The following RYR3 variants were observed in gnomAD, a reference collection of about 807,000 sequenced individuals.
RYR3 encodes the protein ryanodine receptor 3.
In RYR3, 207 loss-of-function variants were observed where a neutral mutation model predicts 584.3. That is an observed-to-expected ratio of 0.35 (90% CI 0.32 to 0.40). RYR3 has a LOEUF of 0.40. RYR3 is among the 10% of genes least tolerant of loss of function. The pLI, the probability that RYR3 is intolerant of heterozygous loss-of-function variation, is 1.00. For missense variants in RYR3, 5,616 were observed against 6,089.2 expected (o/e 0.92, Z 2.59); for synonymous variants, 2,416 against 2,248.5 (o/e 1.07, Z -2.11).
intron 82 of RYR3, 146 bp from the exon 83 acceptor site, chr15:33,826,106 T>A: frequency 1.3e-6 from 1 of 757,356 alleles, no homozygotes. Flanking sequence ...CTTGCTCTGT[T>A]TCAGTAAAAT....
At chr15:33,720,090 T>C (rs1454582500) in intron 43 of RYR3, among the ~76,000 whole-genome samples, 1 of 152,274 alleles carries the variant, frequency 6.6e-6, no homozygotes, top group Non-Finnish European at 1.5e-5. Flanking sequence ...GAATGGAAGC[T>C]GATTAGCTGT....
At chr15:33,798,491 C>G (rs2075748927) in intron 67 of RYR3, among the ~76,000 whole-genome samples, 1 of 152,166 alleles carries the variant, frequency 6.6e-6, no homozygotes. Context: ...ATTTTCATTC[C>G]AGACAGGAAG....
chr15:33,617,821 A>G (rs1455913325), intron 19 of RYR3, among the ~76,000 whole-genome samples: 1 of 150,466 alleles, frequency 6.6e-6, no homozygotes, highest in Non-Finnish European at 1.5e-5. Context: ...ACCCACAGTG[A>G]AGTCAAAGTT....
chr15:33,335,119 G>A (rs1312581151), intron 1 of RYR3, among the ~76,000 whole-genome samples: 1 of 152,164 alleles, frequency 6.6e-6, no homozygotes, highest in African/African-American at 2.4e-5. Context: ...AGACAGTGTG[G>A]CAATTCCTTA....
chr15:33,469,103 T>C (rs1221625170), intron 1 of RYR3, among the ~76,000 whole-genome samples: 1 of 152,182 alleles, frequency 6.6e-6, no homozygotes, highest in African/African-American at 2.4e-5. Flanking sequence ...TAAGTAACAC[T>C]GCAAAAAGTA....
intron 67 of RYR3, 117 bp downstream of exon 67, chr15:33,788,575 G>C (rs926014966): frequency 6.0e-5 from 69 of 1,154,288 alleles, no homozygotes; most frequent in Non-Finnish European, 8.2e-5. Flanking sequence ...GGCGATAGCC[G>C]CCCCCACCAT....
chr15:33,480,623 T>A (rs568830189), intron 2 of RYR3, among the ~76,000 whole-genome samples: 2 of 152,350 alleles, frequency 1.3e-5, no homozygotes, highest in East Asian at 3.9e-4. Context: ...AAAGTGTTAG[T>A]GAGTGGATGT....
chr15:33,864,134 C>A lies in RYR3; in HGVS notation c.14466-4C>A, dbSNP rs753389947. On this transcript the variant is annotated splice_region_variant and splice_polypyrimidine_tract_variant and intron_variant, in intron 102 of 103. Transcript: ENST00000634891. ...TATCTAATACTATCTTTTCCTCGTT[C>A]CAGGTTCTTTCTGATGTATTTGATT... 46 of 1,609,146 alleles carry A rather than the reference C, an allele frequency of 2.9e-5. No homozygotes were observed. Among genetic ancestry groups the A allele is most frequent in the Non-Finnish European group, 1.9e-5 (22 of 1,176,706 alleles).
chr15:33,732,032 G>A (rs952179317), intron 48 of RYR3, among the ~76,000 whole-genome samples: 1 of 152,162 alleles, frequency 6.6e-6, no homozygotes. Flanking sequence ...AAGCAGATGT[G>A]TCTGTCCTCT....
chr15:33,432,937 A>G (rs1422377933), intron 1 of RYR3, among the ~76,000 whole-genome samples: 1 of 152,122 alleles, frequency 6.6e-6, no homozygotes, highest in Non-Finnish European at 1.5e-5. Context: ...GCCTAAATTA[A>G]TCTAGCCTTA....
Position 33,453,240 on chromosome 15 carries a change from A to G in RYR3, c.52-20179A>G, listed in dbSNP as rs535214676. On this transcript the variant is annotated intron_variant, in intron 1 of 103. Transcript: ENST00000634891. ...TGCTATATTAAAGTAAGATTTGTAGAAAAAAAATAAACCTTAATTACTATT... is the reference window on the plus strand; with the variant it reads ...TGCTATATTAAAGTAAGATTTGTAGGAAAAAAATAAACCTTAATTACTATT... 5.3e-5 allele frequency among the ~76,000 whole-genome samples: 8 copies of G among 151,912 alleles called. No homozygotes were observed. In the South Asian group the frequency reaches 1.3e-3, roughly 24 times the overall value.
chr15:33,358,009 G>A (rs1046936790), intron 1 of RYR3, among the ~76,000 whole-genome samples: 3 of 152,220 alleles, frequency 2.0e-5, no homozygotes, highest in African/African-American at 4.8e-5. Context: ...GCATACATCA[G>A]TGCCTTTTAC....
intron 16 of RYR3, among the ~76,000 whole-genome samples, chr15:33,588,151 T>C (rs950596532): frequency 2.0e-5 from 3 of 152,218 alleles, no homozygotes; most frequent in Non-Finnish European, 1.5e-5. Flanking sequence ...GTGTATCTTA[T>C]TCAGTTCTCA....
intron 4 of RYR3, 41 bp downstream of exon 4, chr15:33,530,707 G>A: frequency 2.7e-6 from 4 of 1,466,248 alleles, no homozygotes; most frequent in Non-Finnish European, 3.8e-6. Context: ...TCAAGGAGAA[G>A]GAAAAACTGA....
chr15:33,676,461 A>T (rs879428891), intron 38 of RYR3, among the ~76,000 whole-genome samples: 12 of 152,244 alleles, frequency 7.9e-5, no homozygotes, highest in Non-Finnish European at 1.2e-4. Context: ...TTGAGGTGTC[A>T]GACATGTTAG....
rs796878162 is a variant in RYR3 at position 33,763,892 on chromosome 15, C to CAAAAAA, written c.8706-4747_8706-4742dup. Among the ~76,000 whole-genome samples the CAAAAAA allele has an allele frequency of 2.8e-4, 13 of 45,858 alleles. 1 individual carries two copies. The highest frequency in any genetic ancestry group is 4.5e-4 in the African/African-American group (5 of 11,098). 30.1% of individuals were successfully genotyped at this position (45,858 alleles called of 152,430 possible). A position where few individuals can be genotyped will look rare whatever the true frequency, so the allele number is the denominator to read the frequency against. ...TGAGTGACAGAGCGAGACTTCATCT[C>CAAAAAA]AAAAAAAAAAAAAAAAAAAAAAAAT... On this transcript the variant is annotated intron_variant, in intron 60 of 103. Transcript: ENST00000634891.
chr15:33,860,809 A>T, intron 101 of RYR3, 150 bp downstream of exon 101: 1 of 709,644 alleles, frequency 1.4e-6, no homozygotes, highest in Non-Finnish European at 2.4e-6. Context: ...GCACCCTGCC[A>T]TACCCCTGCC....
At chr15:33,674,912 GAAAA>G (rs10580400) in intron 38 of RYR3, among the ~76,000 whole-genome samples, 69 of 137,358 alleles carry the variant, frequency 5.0e-4, no homozygotes, top group East Asian at 1.1e-3. Flanking sequence ...GGTCAGAATG[GAAAA>G]AAAAAAAAAA....
chr15:33,753,090 A>C (rs149331422), intron 57 of RYR3, among the ~76,000 whole-genome samples: 1 of 152,126 alleles, frequency 6.6e-6, no homozygotes, highest in African/African-American at 2.4e-5. Context: ...ATATTTTTCA[A>C]ATTTCCTCCC....
Sources: gnomAD v4.1 joint callset for allele counts (sites outside exome capture counted in the v4.1 genomes callset) on GRCh38, gnomAD v4.1.1 for gene constraint, MANE v1.5 for transcripts, NCBI Gene and HGNC (gene_info 2026-07-23, HGNC 2026-07-21) for gene names.